MTMR7: variants seen among roughly 807,000 people sequenced by gnomAD.
MTMR7 encodes the protein phosphatidylinositol-3-phosphate phosphatase MTMR7.
A neutral mutation model predicts 81.2 loss-of-function variants in MTMR7; 76 were observed. That is an observed-to-expected ratio of 0.94 (90% confidence interval 0.78 to 1.13). MTMR7 has a LOEUF of 1.13. MTMR7 is among the 50% of genes most tolerant of loss of function. The pLI is 0.00. For missense variants in MTMR7, 1,044 were observed against 820.0 expected (o/e 1.27, Z -3.34); for synonymous variants, 372 against 289.8 (o/e 1.28, Z -2.88).
chr8:17,386,294 C>T (rs1407591297), intron 1 of MTMR7, among the ~76,000 whole-genome samples: 1 of 152,204 alleles, frequency 6.6e-6, no homozygotes, highest in Non-Finnish European at 1.5e-5. Context: ...GGGCAGATCA[C>T]TTGAGCCAGG....
At chr8:17,353,049 CCAT>C (rs1195924821) in intron 4 of MTMR7, among the ~76,000 whole-genome samples, 1 of 152,074 alleles carries the variant, frequency 6.6e-6, no homozygotes, top group Non-Finnish European at 1.5e-5. Flanking sequence ...ACCCAGATGT[CCAT>C]CAAGTGATGA....
chr8:17,314,450 ATCCT>A (rs1363033316), intron 7 of MTMR7, among the ~76,000 whole-genome samples: 2 of 152,122 alleles, frequency 1.3e-5, no homozygotes, highest in African/African-American at 4.8e-5. Flanking sequence ...TATAAATTAT[ATCCT>A]TCCAACTGTA....
intron 1 of MTMR7, among the ~76,000 whole-genome samples, chr8:17,375,085 T>C (rs1820539823): frequency 6.6e-6 from 1 of 152,116 alleles, no homozygotes. Context: ...GCAAAACTCC[T>C]TCTCAAAAAT....
intron 6 of MTMR7, among the ~76,000 whole-genome samples, chr8:17,333,877 G>C (rs1819134704): frequency 6.6e-6 from 1 of 151,980 alleles, no homozygotes; most frequent in Non-Finnish European, 1.5e-5. Flanking sequence ...TCACCCACAA[G>C]GGACAGGAGG....
At chr8:17,376,190 T>C (rs923060876) in intron 1 of MTMR7, among the ~76,000 whole-genome samples, 6 of 152,244 alleles carry the variant, frequency 3.9e-5, no homozygotes, top group African/African-American at 1.4e-4. Flanking sequence ...CATACTTTGA[T>C]AGTGGTTTCT....
At chr8:17,366,356 C>T (rs1015562207) in intron 3 of MTMR7, among the ~76,000 whole-genome samples, 7 of 151,978 alleles carry the variant, frequency 4.6e-5, no homozygotes, top group African/African-American at 1.5e-4. Flanking sequence ...CCTCTCATTA[C>T]AGACTAACTG....
At chr8:17,379,497 T>G (rs73208993) in intron 1 of MTMR7, among the ~76,000 whole-genome samples, 1 of 152,120 alleles carries the variant, frequency 6.6e-6, no homozygotes, top group African/African-American at 2.4e-5. Context: ...TTAGGCCGGA[T>G]TGAGAAATAC....
In MTMR7 at chr8:17,409,815, G is replaced by A. The variant is rs545969412; in HGVS notation, c.24+3454C>T. Among the ~76,000 whole-genome samples the A allele has an allele frequency of 5.9e-5, 9 of 152,304 alleles. No individual in the cohort carries two copies. In the South Asian group the frequency reaches 1.7e-3, roughly 28 times the overall value. ...CTAGAAAGATGAGGTATTTAGCCAG[G>A]TGAAGAGTGAGAACTAACGTCCCCC... On this transcript the variant is annotated intron_variant, in intron 1 of 13. Transcript: ENST00000180173.
At chr8:17,365,391 A>G (rs10107226) in intron 3 of MTMR7, among the ~76,000 whole-genome samples, 35,633 of 152,000 alleles carry the variant, frequency 0.23, 4,520 homozygotes, top group East Asian at 0.39. Context: ...TATATTTTAG[A>G]CAAATCTTTA....
intron 1 of MTMR7, among the ~76,000 whole-genome samples, chr8:17,374,200 C>G (rs1243573760): frequency 6.6e-6 from 1 of 152,216 alleles, no homozygotes; most frequent in Non-Finnish European, 1.5e-5. Context: ...TAAATAGAAG[C>G]TGTGGGCCGG....
In MTMR7 at chr8:17,331,163, C is replaced by T. The variant is rs1411432472; in HGVS notation, c.852G>A (p.Gln284=). The T allele has an allele frequency of 1.9e-6, 3 of 1,610,996 alleles. No individual in the cohort carries two copies. Among genetic ancestry groups the T allele is most frequent in the Non-Finnish European group, 2.5e-6 (3 of 1,179,208 alleles). Residue 284 remains glutamine, a synonymous_variant, in exon 7 of 14, where the codon CAG becomes CAA. Transcript: ENST00000180173. ...GAAATGGTTTACCTTCCAGCATTTT[C>T]TGCAGACTGTTCCTCATGACATGGA... The part of the protein sequence containing the change: ...ENIHVMRNSL[Q]KMLEVCELKS...
At chr8:17,339,450 C>T (rs541375525) in intron 6 of MTMR7, among the ~76,000 whole-genome samples, 1 of 152,308 alleles carries the variant, frequency 6.6e-6, no homozygotes, top group African/African-American at 2.4e-5. Flanking sequence ...CCCCAGCCCT[C>T]GGCAACCATC....
intron 3 of MTMR7, among the ~76,000 whole-genome samples, chr8:17,364,219 G>C (rs1450546970): frequency 6.6e-6 from 1 of 151,296 alleles, no homozygotes; most frequent in Non-Finnish European, 1.5e-5. Flanking sequence ...TTTTTTAGTA[G>C]AGACGGGTTT....
intron 1 of MTMR7, among the ~76,000 whole-genome samples, chr8:17,383,599 C>T (rs1056256627): frequency 2.6e-5 from 4 of 152,218 alleles, no homozygotes; most frequent in Admixed American, 2.0e-4. Flanking sequence ...AACATCCTGG[C>T]TCAACAGTCT....
At chr8:17,320,664 GC>G (rs1818336146) in intron 7 of MTMR7, among the ~76,000 whole-genome samples, 1 of 152,208 alleles carries the variant, frequency 6.6e-6, no homozygotes. Flanking sequence ...CCAAGTGCCA[GC>G]CCCGAGTTAA....
At chr8:17,310,397 T>C (rs933661343) in intron 9 of MTMR7, among the ~76,000 whole-genome samples, 7 of 152,320 alleles carry the variant, frequency 4.6e-5, no homozygotes, top group African/African-American at 1.7e-4. Flanking sequence ...CAAAGAAATA[T>C]GAACTAGTGG....
chr8:17,311,746 G>C (rs1441401500), intron 8 of MTMR7, 110 bp from the exon 9 acceptor site: 1 of 1,514,878 alleles, frequency 6.6e-7, no homozygotes, highest in African/African-American at 1.4e-5. Context: ...CAGCCAAAAC[G>C]AAACACCTGT....
At chr8:17,352,698 T>G (rs1356214905) in intron 4 of MTMR7, among the ~76,000 whole-genome samples, 1 of 152,176 alleles carries the variant, frequency 6.6e-6, no homozygotes, top group Non-Finnish European at 1.5e-5. Context: ...GTAAATTGCG[T>G]ATCTTAGGGA....
At position 17,361,186 on chromosome 8, in the gene MTMR7, A is replaced by G; in HGVS notation, c.399T>C (p.Ser133=). Residue 133 remains serine, a synonymous_variant, in exon 4 of 14, where the codon AGT becomes AGC. Coordinates refer to ENST00000180173, the MANE Select transcript of MTMR7 (RefSeq NM_004686.5). The stretch of plus-strand genomic sequence containing the variant: ...GGAGGCCCATCCGCGTGTATTCTTC[A>G]CTAAGATCGATCAGCACCCAGCCTT... ...REQGWVLIDL[S]EEYTRMGLPN... 1.2e-6 allele frequency: 2 copies of G among 1,614,170 alleles called. No homozygotes were observed. The highest frequency in any genetic ancestry group is 2.2e-5 in the South Asian group (2 of 91,088).
Sources: gnomAD v4.1 joint callset for allele counts (sites outside exome capture counted in the v4.1 genomes callset) on GRCh38, gnomAD v4.1.1 for gene constraint, MANE v1.5 for transcripts, NCBI Gene and HGNC (gene_info 2026-07-23, HGNC 2026-07-21) for gene names.